The following TMEM254 variants were observed in gnomAD, a reference collection of about 807,000 sequenced individuals.
TMEM254 encodes transmembrane protein C10orf57.
A neutral mutation model predicts 13.9 loss-of-function variants in TMEM254; 16 were observed. The observed-to-expected ratio is 1.15, with a 90% confidence interval of 0.78 to 1.75. The LOEUF is 1.75. Ranked by LOEUF, TMEM254 falls within the 40% of genes most tolerant of loss-of-function variation. The pLI is 0.00. For missense variants in TMEM254, 155 were observed against 149.0 expected (o/e 1.04, Z -0.21); for synonymous variants, 61 against 56.4 (o/e 1.08, Z -0.36).
intron 3 of TMEM254, chr10:80,086,175 G>T: frequency 8.3e-7 from 1 of 1,200,594 alleles, no homozygotes; most frequent in South Asian, 1.9e-5. Flanking sequence ...AATCATTAAG[G>T]GAAATGTGAA....
intron 3 of TMEM254, 92 bp downstream of exon 3, chr10:80,082,296 G>T (rs1320626701): frequency 6.9e-7 from 1 of 1,441,534 alleles, no homozygotes. Context: ...ACACTTGTAG[G>T]CTGAGAATAT....
chr10:80,084,743 A>C (rs915612637), intron 3 of TMEM254, among the ~76,000 whole-genome samples: 5 of 152,234 alleles, frequency 3.3e-5, no homozygotes, highest in Admixed American at 6.5e-5. Flanking sequence ...CTTGGAATGT[A>C]GGAGTGCGTG....
rs1843775056 is a variant in TMEM254, at chr10:80,078,708, G to C, written c.9G>C (p.Thr3=). ...GGGGAGGTGTTGCAGCCATGGCTACGGCAGCCGGCGCGACCTACTTTCAGC... is the reference window on the plus strand; with the variant it reads ...GGGGAGGTGTTGCAGCCATGGCTACCGCAGCCGGCGCGACCTACTTTCAGC... MA[T]AAGATYFQRG... The change falls in exon 1 of 4, where the codon ACG becomes ACC. Residue 3 remains threonine, a synonymous_variant. Transcript: ENST00000372281. The C allele has an allele frequency of 6.2e-7, 1 of 1,601,872 alleles. No individual in the cohort carries two copies. Among genetic ancestry groups the C allele is most frequent in the South Asian group, 1.1e-5 (1 of 89,578 alleles).
chr10:80,092,523 CTT>C lies in TMEM254; in HGVS notation c.*1607_*1608del, dbSNP rs1368217620. On this transcript the variant is annotated 3_prime_UTR_variant, in exon 4 of 4. Transcript: ENST00000372281. Reference sequence around the variant, plus strand: ...CAGATTATTGAATGAAATTGATTAACTTGAATAAAATGCTGTGAATTTTCTCT... The same window carrying C: ...CAGATTATTGAATGAAATTGATTAACGAATAAAATGCTGTGAATTTTCTCT... The C allele has an allele frequency of 1.3e-5, 2 of 152,180 alleles. No homozygotes were observed. The highest frequency in any genetic ancestry group is 6.5e-5 in the Admixed American group (1 of 15,282). 9.4% of individuals were successfully genotyped at this position (152,180 alleles called of 1,614,324 possible).
intron 3 of TMEM254, among the ~76,000 whole-genome samples, chr10:80,084,608 C>T (rs897626799): frequency 1.3e-5 from 2 of 152,122 alleles, no homozygotes; most frequent in African/African-American, 4.8e-5. Flanking sequence ...ACAAATGGTT[C>T]TGTTGAGGCC....
At chr10:80,089,681 G>C (rs1844480633) in intron 3 of TMEM254, among the ~76,000 whole-genome samples, 1 of 151,490 alleles carries the variant, frequency 6.6e-6, no homozygotes, top group South Asian at 2.1e-4. Flanking sequence ...CCATCTCTGG[G>C]GGGGTTGGAA....
intron 1 of TMEM254, chr10:80,079,561 G>T: frequency 9.9e-7 from 1 of 1,006,936 alleles, no homozygotes; most frequent in Non-Finnish European, 1.2e-6. Flanking sequence ...AGTGGTAAGG[G>T]AGGATAAAGA....
At chr10:80,079,069 CT>C (rs1564564902) in intron 1 of TMEM254, 1 of 1,449,756 alleles carries the variant, frequency 6.9e-7, no homozygotes, top group Non-Finnish European at 9.2e-7. Flanking sequence ...AACTCTGTGT[CT>C]GGGTTTTTCA....
chr10:80,082,078 G>T, intron 2 of TMEM254, 67 bp from the exon 3 acceptor site: 3 of 1,592,556 alleles, frequency 1.9e-6, no homozygotes, highest in Non-Finnish European at 1.7e-6. Flanking sequence ...TTTTGAGATT[G>T]CTGTGTTAGA....
At chr10:80,079,320 T>G in intron 1 of TMEM254, 11 of 1,198,850 alleles carry the variant, frequency 9.2e-6, no homozygotes, top group Non-Finnish European at 1.2e-5. Context: ...AAGCGGAAAT[T>G]CGGTGGGCTC....
Position 80,092,436 on chromosome 10 carries a change from T to G in TMEM254, c.*1519T>G, listed in dbSNP as rs780138855. On this transcript the variant is annotated 3_prime_UTR_variant, in exon 4 of 4. Coordinates refer to ENST00000372281, the MANE Select transcript of TMEM254 (RefSeq NM_025125.4). ...TCATGGAAATTCAAACCAGATTTCT[T>G]AATACCTGGTCTTCCTCAAAGAGAA... 6.6e-6 allele frequency: 1 copy of G among 152,198 alleles called. No individual in the cohort carries two copies. The highest frequency in any genetic ancestry group is 1.5e-5 in the Non-Finnish European group (1 of 68,032). The allele number at this position is 152,198 out of a possible 1,614,324, so 9.4% of individuals were successfully genotyped here.
At chr10:80,085,032 G>A (rs1212510347) in intron 3 of TMEM254, among the ~76,000 whole-genome samples, 1 of 151,918 alleles carries the variant, frequency 6.6e-6, no homozygotes. Context: ...ATGTTGGCCA[G>A]GATGGTCTTG....
intron 3 of TMEM254, among the ~76,000 whole-genome samples, chr10:80,087,035 C>G (rs934977032): frequency 1.3e-5 from 2 of 151,942 alleles, no homozygotes; most frequent in Non-Finnish European, 2.9e-5. Flanking sequence ...CACCTGTGCT[C>G]AAGTGATCCT....
Position 80,082,357 on chromosome 10 carries a change from G to A in TMEM254, c.251+153G>A. On this transcript the variant is annotated intron_variant, in intron 3 of 3. Coordinates refer to ENST00000372281, the MANE Select transcript of TMEM254 (RefSeq NM_025125.4). ...GCCTGATACTGAGCCTGGAGCAGAG[G>A]CAGTACCCAGTAAATGTTTGATGAA... 3 of 771,424 alleles carry A rather than the reference G, an allele frequency of 3.9e-6. No individual in the cohort carries two copies. In the South Asian group the frequency reaches 5.4e-5, roughly 14 times the overall value. The allele number at this position is 771,424 out of a possible 1,614,324, so 47.8% of individuals were successfully genotyped here.
At chr10:80,085,282 G>C (rs1395914117) in intron 3 of TMEM254, among the ~76,000 whole-genome samples, 1 of 152,072 alleles carries the variant, frequency 6.6e-6, no homozygotes, top group African/African-American at 2.4e-5. Context: ...GAGATGAGTT[G>C]GGTACGGTGG....
chr10:80,086,228 T>C (rs1809028842), intron 3 of TMEM254: 3 of 1,469,698 alleles, frequency 2.0e-6, no homozygotes, highest in African/African-American at 3.0e-5. Context: ...GTCTTTTAAA[T>C]AGGCAAAATG....
rs1844580492 is a variant in TMEM254, at chr10:80,091,727, G to C, written c.*810G>C. ...CTGTCCCACTATCTTGCACACAGGTGCTCTAACCATGTTTATTGAACAAAG... is the reference window on the plus strand; with the variant it reads ...CTGTCCCACTATCTTGCACACAGGTCCTCTAACCATGTTTATTGAACAAAG... On this transcript the variant is annotated 3_prime_UTR_variant, in exon 4 of 4. Coordinates refer to ENST00000372281, the MANE Select transcript of TMEM254 (RefSeq NM_025125.4). 1.3e-5 allele frequency: 2 copies of C among 152,172 alleles called. No individual in the cohort carries two copies. Among genetic ancestry groups the C allele is most frequent in the South Asian group, 4.1e-4 (2 of 4,828 alleles). 9.4% of individuals were successfully genotyped at this position (152,172 alleles called of 1,614,324 possible).
At chr10:80,078,889 G>C (rs1589375576) in intron 1 of TMEM254, 103 bp downstream of exon 1, 1 of 1,528,700 alleles carries the variant, frequency 6.5e-7, no homozygotes, top group East Asian at 2.5e-5. Flanking sequence ...AGTCGTGCAA[G>C]CACAATCCCG....
chr10:80,091,147 A>G lies in TMEM254; in HGVS notation c.*230A>G, dbSNP rs111720254. The G allele has an allele frequency of 2.1e-3, 936 of 439,778 alleles. 13 individuals are homozygous for G. The highest frequency in any genetic ancestry group is 0.017 in the African/African-American group (843 of 49,162). 27.2% of individuals were successfully genotyped at this position (439,778 alleles called of 1,614,324 possible). ...AACAGAGAAAGATTTTAGCTTTTCA[A>G]TCCTATTTGGCAGAGGACTTCAGCT... is the stretch of plus-strand genomic sequence containing the variant. On this transcript the variant is annotated 3_prime_UTR_variant, in exon 4 of 4. Transcript: ENST00000372281.
Sources: gnomAD v4.1 joint callset for allele counts (sites outside exome capture counted in the v4.1 genomes callset) on GRCh38, gnomAD v4.1.1 for gene constraint, MANE v1.5 for transcripts, NCBI Gene and HGNC (gene_info 2026-07-23, HGNC 2026-07-21) for gene names.